The following NFASC variants were observed in gnomAD, a reference collection of about 807,000 sequenced individuals.
NFASC encodes the protein neurofascin.
A neutral mutation model predicts 147.5 loss-of-function variants in NFASC; 43 were observed. The observed-to-expected ratio is 0.29, with a 90% CI of 0.23 to 0.38. NFASC has a LOEUF of 0.38. Ranked by LOEUF, NFASC falls within the 10% of genes least tolerant of loss-of-function variation. The pLI, the probability that NFASC is intolerant of heterozygous loss-of-function variation, is 1.00. For missense variants in NFASC, 1,320 were observed against 1,689.0 expected, an observed-to-expected ratio of 0.78 and a Z score of 3.83; for synonymous variants, 622 against 665.5, an observed-to-expected ratio of 0.93 and a Z score of 1.01.
intron 1 of NFASC, among the ~76,000 whole-genome samples, chr1:204,872,136 C>T (rs959558934): frequency 1.3e-5 from 2 of 152,238 alleles, no homozygotes; most frequent in African/African-American, 4.8e-5. Flanking sequence ...GTATTGCCTC[C>T]CTGGCTCAGA....
At chr1:204,911,053 A>G (rs1465611297) in intron 1 of NFASC, among the ~76,000 whole-genome samples, 1 of 152,192 alleles carries the variant, frequency 6.6e-6, no homozygotes, top group African/African-American at 2.4e-5. Flanking sequence ...CCCATCAAGT[A>G]TAATGTTATC....
chr1:204,901,761 G>C (rs1347469351), intron 1 of NFASC, among the ~76,000 whole-genome samples: 1 of 152,142 alleles, frequency 6.6e-6, no homozygotes, highest in African/African-American at 2.4e-5. Flanking sequence ...TTCTAGGAAA[G>C]AGCCAGTGAA....
At chr1:204,920,168 C>T (rs926472180) in intron 1 of NFASC, among the ~76,000 whole-genome samples, 3 of 152,124 alleles carry the variant, frequency 2.0e-5, no homozygotes, top group Non-Finnish European at 4.4e-5. Flanking sequence ...ATTGGGTCCC[C>T]TTTTAATGTG....
chr1:204,977,194 T>TC (rs1159464065), intron 16 of NFASC: 4 of 877,584 alleles, frequency 4.6e-6, no homozygotes, highest in Non-Finnish European at 5.6e-6. Flanking sequence ...AGCCTTCCTT[T>TC]CCCTCCCGCT....
chr1:204,863,923 AAGG>A (rs1174711952), intron 1 of NFASC, among the ~76,000 whole-genome samples: 5 of 149,450 alleles, frequency 3.3e-5, no homozygotes, highest in Non-Finnish European at 7.4e-5. Context: ...AGGGAAAGGA[AAGG>A]AGGAAGAAAG....
chr1:204,888,038 A>G (rs968585534), intron 1 of NFASC, among the ~76,000 whole-genome samples: 1 of 152,190 alleles, frequency 6.6e-6, no homozygotes, highest in South Asian at 2.1e-4. Flanking sequence ...AGGCCTTGTG[A>G]TAAAAGAGAC....
intron 2 of NFASC, among the ~76,000 whole-genome samples, chr1:204,924,162 C>T (rs534445811): frequency 6.6e-6 from 1 of 152,258 alleles, no homozygotes; most frequent in African/African-American, 2.4e-5. Flanking sequence ...TGGCTGCCTC[C>T]CCCTTTTTGC....
chr1:205,019,110 A>C lies in NFASC; in HGVS notation c.*2571A>C, dbSNP rs2096382909. ...GAGGCTGAAGAATTAAGTTTTCCCC[A>C]AGCAAGGAAGGCAGGTGGTCAGAGA... is the stretch of plus-strand genomic sequence containing the variant. On this transcript the variant is annotated 3_prime_UTR_variant, in exon 30 of 30. Coordinates refer to ENST00000339876, the MANE Select transcript of NFASC (RefSeq NM_001005388.3). 6.6e-6 allele frequency: 1 copy of C among 152,046 alleles called. No homozygotes were observed. Among genetic ancestry groups the C allele is most frequent in the South Asian group, 2.1e-4 (1 of 4,810 alleles). 9.4% of individuals were successfully genotyped at this position (152,046 alleles called of 1,614,324 possible).
intron 1 of NFASC, among the ~76,000 whole-genome samples, chr1:204,834,592 C>G (rs1434131171): frequency 6.6e-6 from 1 of 152,162 alleles, no homozygotes; most frequent in African/African-American, 2.4e-5. Flanking sequence ...CTGGCAGCCC[C>G]TCTCCCCGTT....
At chr1:204,914,596 C>T (rs570845245) in intron 1 of NFASC, among the ~76,000 whole-genome samples, 13 of 152,110 alleles carry the variant, frequency 8.5e-5, no homozygotes, top group African/African-American at 2.4e-4. Context: ...TACAGTAAAA[C>T]GAAAATACTC....
intron 1 of NFASC, among the ~76,000 whole-genome samples, chr1:204,880,841 G>A (rs2148873097): frequency 6.6e-6 from 1 of 152,326 alleles, no homozygotes; most frequent in East Asian, 1.9e-4. Flanking sequence ...CCAAAAGAAA[G>A]TCCTGTCTTT....
rs61741827 is a variant in NFASC, at chr1:204,981,899, C to T, written c.2349C>T (p.Gly783=). The T allele has an allele frequency of 2.3e-5, 37 of 1,608,232 alleles. No individual in the cohort carries two copies. Among genetic ancestry groups the T allele is most frequent in the Non-Finnish European group, 3.1e-5 (36 of 1,177,470 alleles). Residue 783 remains glycine, a synonymous_variant, in exon 21 of 30, where the codon GGC becomes GGT. Transcript: ENST00000339876. The stretch of plus-strand genomic sequence containing the variant: ...CCTGGAACAACGTCACAGTGTGGGG[C>T]TCTCGCTACGTGGTGGGGCAGACCC... ...REAWNNVTVW[G]SRYVVGQTPV...
In NFASC at chr1:204,853,505, T is replaced by C. The variant is rs2075875935; in HGVS notation, c.-200+24723T>C. ...CCTAGGGCTTAGTCACTGGCTCCTG[T>C]AGTACTTTGAGGTGTAGTTAAGCGG... On this transcript the variant is annotated intron_variant, in intron 1 of 29. Coordinates refer to ENST00000339876, the MANE Select transcript of NFASC (RefSeq NM_001005388.3). Among the ~76,000 whole-genome samples the C allele has an allele frequency of 2.6e-5, 4 of 152,324 alleles. No homozygotes were observed. In the South Asian group the frequency reaches 8.3e-4, roughly 32 times the overall value.
intron 1 of NFASC, among the ~76,000 whole-genome samples, chr1:204,838,386 G>C (rs1176158147): frequency 6.6e-6 from 1 of 152,182 alleles, no homozygotes; most frequent in African/African-American, 2.4e-5. Flanking sequence ...TTTGAGTGGG[G>C]GTAAGTTTGA....
intron 1 of NFASC, among the ~76,000 whole-genome samples, chr1:204,910,882 T>C (rs2087283357): frequency 6.6e-6 from 1 of 152,110 alleles, no homozygotes; most frequent in Non-Finnish European, 1.5e-5. Flanking sequence ...TATCTGCATA[T>C]AGGGACAGTT....
At chr1:204,849,427 G>C (rs920415299) in intron 1 of NFASC, among the ~76,000 whole-genome samples, 1 of 152,120 alleles carries the variant, frequency 6.6e-6, no homozygotes, top group African/African-American at 2.4e-5. Flanking sequence ...TGAGGCACTG[G>C]GGGGGCTTGT....
rs60820697 is a variant in NFASC, at chr1:205,013,035, G to C, written c.3491+169G>C. Among the ~76,000 whole-genome samples, 230 of 152,336 alleles carry C rather than the reference G, an allele frequency of 1.5e-3. 1 individual carries two copies. Among genetic ancestry groups the C allele is most frequent in the African/African-American group, 5.1e-3 (214 of 41,566 alleles). ...GGCGCTGTGGTGGAGAGTGCATGCT[G>C]CTGAGTTTACTCAGAGGCTTCTCAT... On this transcript the variant is annotated intron_variant, in intron 29 of 29. Coordinates refer to ENST00000339876, the MANE Select transcript of NFASC (RefSeq NM_001005388.3).
At chr1:204,976,361 C>A (rs6693024) in intron 15 of NFASC, among the ~76,000 whole-genome samples, 19,470 of 152,262 alleles carry the variant, frequency 0.13, 1,604 homozygotes, top group African/African-American at 0.23. Flanking sequence ...ATGGTGCCCT[C>A]ATCTGGGAGG....
chr1:204,854,070 G>A (rs2075934404), intron 1 of NFASC, among the ~76,000 whole-genome samples: 1 of 152,114 alleles, frequency 6.6e-6, no homozygotes, highest in Non-Finnish European at 1.5e-5. Context: ...ACTGCCACTA[G>A]GCTGCCCATT....
Sources: gnomAD v4.1 joint callset for allele counts (sites outside exome capture counted in the v4.1 genomes callset) on GRCh38, gnomAD v4.1.1 for gene constraint, MANE v1.5 for transcripts, NCBI Gene and HGNC (gene_info 2026-07-23, HGNC 2026-07-21) for gene names.